Variants in STRA6 observed in about 807,000 individuals in gnomAD.
STRA6 encodes signaling receptor and transporter of retinol STRA6.
Under a neutral mutation model 83.6 loss-of-function variants are expected in STRA6, and 48 were observed. That is an observed-to-expected ratio of 0.57 (90% confidence interval 0.46 to 0.73). The LOEUF (loss-of-function observed/expected upper bound fraction) is 0.73. Among genes scored for constraint, STRA6 ranks in the 30% least tolerant of loss-of-function variants. The pLI, the probability that STRA6 is intolerant of heterozygous loss-of-function variation, is 0.00. For synonymous variants in STRA6, 353 were observed against 362.3 expected (o/e 0.97, Z 0.29); for missense variants, 760 against 838.8 (o/e 0.91, Z 1.16).
At chr15:74,183,262 T>C (rs1244146080) in intron 14 of STRA6, 3 of 176,514 alleles carry the variant, frequency 1.7e-5, no homozygotes, top group Non-Finnish European at 3.7e-5. Flanking sequence ...CCTTTGTAGG[T>C]AGCCAAATGT....
At chr15:74,189,034 A>G (rs1484632757) in intron 12 of STRA6, 81 bp downstream of exon 12, 1 of 1,549,472 alleles carries the variant, frequency 6.5e-7, no homozygotes, top group African/African-American at 1.4e-5. Context: ...CAGTGTGTCC[A>G]TGGCTGACTA....
At chr15:74,208,082 A>T (rs1443590603) in intron 1 of STRA6, 2 of 1,219,670 alleles carry the variant, frequency 1.6e-6, no homozygotes, top group Non-Finnish European at 2.1e-6. Flanking sequence ...CTGTTCTGGT[A>T]TGAGGGTGGA....
intron 4 of STRA6, 155 bp from the exon 5 acceptor site, chr15:74,196,302 T>C: frequency 8.2e-7 from 1 of 1,225,656 alleles, no homozygotes. Context: ...CATAGATATT[T>C]GTGGAGTGCC....
At position 74,202,254 on chromosome 15, in the gene STRA6, G is replaced by A; in HGVS notation, c.14C>T (p.Pro5Leu). The A allele has an allele frequency of 6.5e-7, 1 of 1,543,180 alleles. No individual in the cohort carries two copies. The highest frequency in any genetic ancestry group is 8.7e-7 in the Non-Finnish European group (1 of 1,150,654). The change falls in exon 2 of 19, where the codon CCA becomes CTA. Residue 5 changes from proline (P) to leucine (L), a missense_variant. Physicochemically the swap from Pro to Leu is moderately conservative, Grantham distance 98 (BLOSUM62 -3). Coordinates refer to ENST00000395105, the MANE Select transcript of STRA6 (RefSeq NM_022369.4). ...CCCGGGGGAGGTCTGGTTCCCTGCT[G>A]GCTGGGACGACATTCTCTGGCCCTT... MSSQ[P>L]AGNQTSPGAT...
intron 11 of STRA6, among the ~76,000 whole-genome samples, chr15:74,189,666 CTTT>C (rs565194026): frequency 9.3e-5 from 13 of 140,506 alleles, no homozygotes; most frequent in Middle Eastern, 3.4e-3. Context: ...ACAACTTCTT[CTTT>C]TTTTTTTTTT....
Position 74,184,944 on chromosome 15 carries a change from A to G in STRA6, c.1166+36T>C, listed in dbSNP as rs754294051. ...CCCACAGGACTCCCACTCCTTCCCC[A>G]CCTCGGCGCTGGGTGAGCCAGAGTC... On this transcript the variant is annotated intron_variant, in intron 13 of 18. Transcript: ENST00000395105. The G allele has an allele frequency of 1.9e-6, 3 of 1,605,180 alleles. No homozygotes were observed. The African/African-American group carries it at 4.0e-5, about 22-fold the overall frequency.
At chr15:74,205,815 CA>C (rs1264195023), upstream of STRA6, among the ~76,000 whole-genome samples, 2 of 152,184 alleles carry the variant, frequency 1.3e-5, no homozygotes, top group Admixed American at 1.3e-4. Flanking sequence ...CAGAGGCCAC[CA>C]AGGGAGGCCC....
chr15:74,182,708 C>A, intron 14 of STRA6: 1 of 521,158 alleles, frequency 1.9e-6, no homozygotes, highest in South Asian at 2.2e-5. Context: ...GAGATAATGT[C>A]TGTGGAAACT....
At position 74,202,223 on chromosome 15, in the gene STRA6, T is replaced by G; in HGVS notation, c.45A>C (p.Thr15=). 4.6e-6 allele frequency: 7 copies of G among 1,536,034 alleles called. No homozygotes were observed. Among genetic ancestry groups the G allele is most frequent in the Non-Finnish European group, 6.1e-6 (7 of 1,147,136 alleles). The part of the protein sequence containing the change: ...PAGNQTSPGA[T]EDYSYGSWYI... ...ACCAGCTGCCATAGGAGTAGTCCTC[T>G]GTGGCCCCGGGGGAGGTCTGGTTCC... Residue 15 remains threonine (T), a synonymous_variant, in exon 2 of 19, where the codon ACA becomes ACC. Transcript: ENST00000395105.
intron 2 of STRA6, among the ~76,000 whole-genome samples, chr15:74,199,955 G>A (rs1030359689): frequency 5.3e-5 from 8 of 152,158 alleles, no homozygotes; most frequent in Admixed American, 3.3e-4. Flanking sequence ...AGTGGCTCAC[G>A]CCTATAATCC....
intron 4 of STRA6, 21 bp from the exon 5 acceptor site, chr15:74,196,168 G>A (rs1260422955): frequency 6.2e-7 from 1 of 1,612,722 alleles, no homozygotes; most frequent in African/African-American, 1.3e-5. Context: ...GGCAAGGACA[G>A]GGCAGGAGGG....
At chr15:74,194,849 C>T (rs2073733723) in intron 7 of STRA6, 2 of 1,355,044 alleles carry the variant, frequency 1.5e-6, no homozygotes, top group South Asian at 2.3e-5. Flanking sequence ...TTCACAGCCC[C>T]AGCCAGCAGC....
At chr15:74,207,673 T>TG (rs1216022775), upstream of STRA6, 14 of 1,530,510 alleles carry the variant, frequency 9.1e-6, no homozygotes, top group East Asian at 9.8e-5. Flanking sequence ...GTTCCAGGAG[T>TG]GGGGGGATGG....
Position 74,195,930 on chromosome 15 carries a change from A to C in STRA6, c.406+78T>G, listed in dbSNP as rs1334868043. 12 of 1,593,692 alleles carry C rather than the reference A, an allele frequency of 7.5e-6. No homozygotes were observed. In the South Asian group the frequency reaches 1.4e-4, roughly 18 times the overall value. On this transcript the variant is annotated intron_variant, in intron 5 of 18. Transcript: ENST00000395105. ...TGTTCCTGTTACTCTCATCTCCTTGAGCCAAGCTTAAAACTCCGAGACCCC... is the reference window on the plus strand; with the variant it reads ...TGTTCCTGTTACTCTCATCTCCTTGCGCCAAGCTTAAAACTCCGAGACCCC...
Position 74,190,425 on chromosome 15 carries a change from G to GT in STRA6, c.927+414dup, listed in dbSNP as rs58826074. Among the ~76,000 whole-genome samples, 686 of 143,202 alleles carry GT rather than the reference G, an allele frequency of 4.8e-3. 4 individuals are homozygous for GT. The highest frequency in any genetic ancestry group is 0.015 in the African/African-American group (578 of 39,728). The allele number at this position is 143,202 out of a possible 152,430, so 93.9% of individuals were successfully genotyped here. A position where few individuals can be genotyped will look rare whatever the true frequency, so the allele number is the denominator to read the frequency against. ...AATTGTTGTTGTTGGTTTTTTCGGGGTTTTTTTTTTTTCGGAGGTGGTGAG... is the reference window on the plus strand; with the variant it reads ...AATTGTTGTTGTTGGTTTTTTCGGGGTTTTTTTTTTTTTCGGAGGTGGTGAG... On this transcript the variant is annotated intron_variant, in intron 11 of 18. Coordinates refer to ENST00000395105, the MANE Select transcript of STRA6 (RefSeq NM_022369.4).
upstream of STRA6, chr15:74,209,318 C>T (rs1262553791): frequency 6.7e-7 from 1 of 1,488,360 alleles, no homozygotes; most frequent in South Asian, 1.2e-5. Context: ...CTGAGTTTCC[C>T]CAGATGTGGC....
intron 3 of STRA6, 115 bp from the exon 4 acceptor site, chr15:74,197,538 T>C (rs2073875153): frequency 9.1e-7 from 1 of 1,101,840 alleles, no homozygotes; most frequent in Non-Finnish European, 1.4e-6. Flanking sequence ...TGCACACTCA[T>C]GTGACATCTT....
intron 17 of STRA6, 26 bp from the exon 18 acceptor site, chr15:74,180,963 G>A (rs1254183040): frequency 6.2e-7 from 1 of 1,612,638 alleles, no homozygotes; most frequent in Non-Finnish European, 8.5e-7. Flanking sequence ...GGATGGCAAT[G>A]CTGGGGGAGC....
chr15:74,186,986 G>C (rs1198593039), intron 12 of STRA6, among the ~76,000 whole-genome samples: 1 of 152,222 alleles, frequency 6.6e-6, no homozygotes, highest in Non-Finnish European at 1.5e-5. Context: ...CCCTCGCAGG[G>C]ACACTTTTCT....
Sources: gnomAD v4.1 joint callset for allele counts (sites outside exome capture counted in the v4.1 genomes callset) on GRCh38, gnomAD v4.1.1 for gene constraint, MANE v1.5 for transcripts, NCBI Gene and HGNC (gene_info 2026-07-23, HGNC 2026-07-21) for gene names.